CCNJL: variants seen among roughly 807,000 people sequenced by gnomAD.
CCNJL encodes the protein cyclin-J-like protein.
CCNJL carries 33 observed loss-of-function variants against 33.4 expected under a neutral mutation model. The ratio of observed to expected loss-of-function variants is 0.99; its 90% CI spans 0.75 to 1.32. CCNJL has a LOEUF of 1.32. Ranked by LOEUF, CCNJL falls within the 40% of genes most tolerant of loss-of-function variation. The pLI, the probability that CCNJL is intolerant of heterozygous loss-of-function variation, is 0.00. For synonymous variants in CCNJL, 227 were observed against 220.9 expected, an observed-to-expected ratio of 1.03 and a Z score of -0.24; for missense variants, 512 against 499.7, an observed-to-expected ratio of 1.02 and a Z score of -0.23.
At chr5:160,310,259 T>G (rs1369389656) in intron 2 of CCNJL, among the ~76,000 whole-genome samples, 1 of 152,180 alleles carries the variant, frequency 6.6e-6, no homozygotes, top group Non-Finnish European at 1.5e-5. Context: ...TCCTTGCTTT[T>G]CAACTGAACC....
Position 160,253,537 on chromosome 5 carries a change from T to G in CCNJL, c.1005A>C (p.Gln335His), listed in dbSNP as rs756394538. 6.2e-7 allele frequency: 1 copy of G among 1,613,938 alleles called. No individual in the cohort carries two copies. The highest frequency in any genetic ancestry group is 8.5e-7 in the Non-Finnish European group (1 of 1,179,970). ...GACACATATCCAAGGGCTGCAGCGG[T>G]TGGTACGGGGTGTGGAGGGATGAGC... Reference protein sequence around the residue: ...STGSSLHTPYQPLQPLDMCPV... With the variant: ...STGSSLHTPYHPLQPLDMCPV... The change falls in exon 6 of 6, where the codon CAA (glutamine) becomes CAC (histidine). Residue 335 changes from glutamine (Q) to histidine (H), a missense_variant. By Grantham distance (24) the Gln-to-His change is conservative. Coordinates refer to ENST00000257536, the MANE Select transcript of CCNJL (RefSeq NM_001308173.3).
chr5:160,270,393 G>A (rs151018880), intron 3 of CCNJL, among the ~76,000 whole-genome samples: 1,590 of 151,944 alleles, frequency 0.01, 26 homozygotes, highest in African/African-American at 0.036. Flanking sequence ...GCGGTGAGCC[G>A]AAATTGCGCC....
rs538971148 is a variant in CCNJL, at chr5:160,286,163, T to A, written c.67-5425A>T. 3.1e-4 allele frequency among the ~76,000 whole-genome samples: 47 copies of A among 152,312 alleles called. No individual in the cohort carries two copies. In the South Asian group the frequency reaches 8.9e-3, roughly 29 times the overall value. On this transcript the variant is annotated intron_variant, in intron 2 of 5. Transcript: ENST00000257536. Reference sequence around the variant, plus strand: ...CCAAAGCCCCCAAACACAAGTCAGATAGGCAACGTCTTGACCTCCCTCCCC... The same window carrying A: ...CCAAAGCCCCCAAACACAAGTCAGAAAGGCAACGTCTTGACCTCCCTCCCC...
chr5:160,301,187 G>A (rs1010447112), intron 2 of CCNJL, among the ~76,000 whole-genome samples: 1 of 152,070 alleles, frequency 6.6e-6, no homozygotes, highest in Non-Finnish European at 1.5e-5. Flanking sequence ...GACATAAAAC[G>A]GAATACTAAT....
upstream of CCNJL, among the ~76,000 whole-genome samples, chr5:160,314,338 C>T (rs1275885250): frequency 6.6e-6 from 1 of 152,168 alleles, no homozygotes; most frequent in Non-Finnish European, 1.5e-5. Flanking sequence ...TAAAAATTCA[C>T]TGTATGATAA....
chr5:160,324,074 A>G (rs1763506392), intron 1 of CCNJL, among the ~76,000 whole-genome samples: 2 of 152,204 alleles, frequency 1.3e-5, no homozygotes, highest in Non-Finnish European at 2.9e-5. Flanking sequence ...CTCCATGAAC[A>G]TATTAATCAA....
chr5:160,312,578 C>G (rs935765892), upstream of CCNJL: 8 of 151,602 alleles, frequency 5.3e-5, no homozygotes, highest in African/African-American at 1.9e-4. Context: ...CGCCGGGGGC[C>G]TCCCTCCCTC....
At chr5:160,337,419 C>T (rs1763696674) in intron 1 of CCNJL, among the ~76,000 whole-genome samples, 1 of 152,094 alleles carries the variant, frequency 6.6e-6, no homozygotes, top group Non-Finnish European at 1.5e-5. Context: ...ATAATTGAAA[C>T]CAGACTTCAT....
chr5:160,333,724 C>T (rs1019326763), intron 1 of CCNJL, among the ~76,000 whole-genome samples: 1 of 152,038 alleles, frequency 6.6e-6, no homozygotes, highest in African/African-American at 2.4e-5. Flanking sequence ...GGTGGTGACC[C>T]CTGCTCCCCA....
rs374954326 is a variant in CCNJL, at chr5:160,257,136, T to C, written c.584-1428A>G. Among the ~76,000 whole-genome samples, 13 of 151,214 alleles carry C rather than the reference T, an allele frequency of 8.6e-5. No individual in the cohort carries two copies. The East Asian group carries it at 1.4e-3, about 16-fold the overall frequency. ...TAGCTCTCACTTGTAATCCCAGGAGTTTGAGACGAGCCTGAGCAACATGGC... is the reference window on the plus strand; with the variant it reads ...TAGCTCTCACTTGTAATCCCAGGAGCTTGAGACGAGCCTGAGCAACATGGC... On this transcript the variant is annotated intron_variant, in intron 4 of 5. Coordinates refer to ENST00000257536, the MANE Select transcript of CCNJL (RefSeq NM_001308173.3).
intron 3 of CCNJL, 56 bp downstream of exon 3, chr5:160,280,469 G>A (rs1762167808): frequency 3.7e-6 from 5 of 1,346,412 alleles, no homozygotes; most frequent in Admixed American, 3.4e-5. Context: ...GCAGCCAGGC[G>A]CACTGAGCGG....
intron 2 of CCNJL, among the ~76,000 whole-genome samples, chr5:160,307,974 C>A (rs1476673198): frequency 6.6e-6 from 1 of 152,168 alleles, no homozygotes; most frequent in Non-Finnish European, 1.5e-5. Flanking sequence ...GGGTCTCACT[C>A]CTGGTTCCCA....
chr5:160,315,796 C>T (rs767103084), upstream of CCNJL, among the ~76,000 whole-genome samples: 16 of 152,056 alleles, frequency 1.1e-4, no homozygotes, highest in Non-Finnish European at 2.4e-4. Context: ...TCAATATGTA[C>T]TAGAGGGTTC....
Position 160,259,482 on chromosome 5 carries a change from C to A in CCNJL, c.570G>T (p.Glu190Asp). 2 of 1,612,704 alleles carry A rather than the reference C, an allele frequency of 1.2e-6. No homozygotes were observed. The highest frequency in any genetic ancestry group is 1.7e-6 in the Non-Finnish European group (2 of 1,179,196). Residue 190 changes from glutamate to aspartate, a missense_variant, in exon 4 of 6, where the codon GAG becomes GAT. Transcript: ENST00000257536. ...CCCAGCTGTCACCTTGCAGGGTGAC[C>A]TCTAGGAAGTAATGGGCATACTCCT... Reference protein sequence around the residue: ...CLKEYAHYFLEVTLQDHIFYK... With the variant: ...CLKEYAHYFLDVTLQDHIFYK...
chr5:160,270,220 G>T (rs1761777435), intron 3 of CCNJL, among the ~76,000 whole-genome samples: 1 of 152,112 alleles, frequency 6.6e-6, no homozygotes, highest in Non-Finnish European at 1.5e-5. Flanking sequence ...GGGGCGGGCA[G>T]ATCACTTGAG....
At chr5:160,256,791 G>A (rs1340582119) in intron 4 of CCNJL, among the ~76,000 whole-genome samples, 7 of 151,954 alleles carry the variant, frequency 4.6e-5, no homozygotes, top group African/African-American at 9.7e-5. Flanking sequence ...GGTGGTGGGC[G>A]CCTGTAATCC....
intron 1 of CCNJL, among the ~76,000 whole-genome samples, chr5:160,338,626 A>G (rs897776913): frequency 1.3e-5 from 2 of 152,172 alleles, no homozygotes; most frequent in Admixed American, 1.3e-4. Context: ...AGAAAAGGGC[A>G]AGAATGTAAG....
intron 3 of CCNJL, among the ~76,000 whole-genome samples, chr5:160,261,532 C>G (rs1761333052): frequency 6.6e-6 from 1 of 152,188 alleles, no homozygotes; most frequent in Admixed American, 6.5e-5. Context: ...GAGGTCAAAG[C>G]TGCCCAGAGA....
intron 3 of CCNJL, 29 bp from the exon 4 acceptor site, chr5:160,259,800 A>G (rs904030484): frequency 3.2e-6 from 5 of 1,568,252 alleles, no homozygotes; most frequent in Non-Finnish European, 4.3e-6. Flanking sequence ...AGCAGGGGTT[A>G]CTGGAAGACA....
Sources: gnomAD v4.1 joint callset for allele counts (sites outside exome capture counted in the v4.1 genomes callset) on GRCh38, gnomAD v4.1.1 for gene constraint, MANE v1.5 for transcripts, NCBI Gene and HGNC (gene_info 2026-07-23, HGNC 2026-07-21) for gene names.